Variants in RASEF observed in about 807,000 individuals in gnomAD.
RASEF encodes RAS and EF-hand domain containing, also known as ras and EF-hand domain-containing protein.
A neutral mutation model predicts 90.1 loss-of-function variants in RASEF; 68 were observed. The observed-to-expected ratio is 0.75, with a 90% confidence interval of 0.62 to 0.92. RASEF has a LOEUF of 0.92. Among genes scored for constraint, RASEF ranks in the 40% least tolerant of loss-of-function variants. The pLI, the probability that RASEF is intolerant of heterozygous loss-of-function variation, is 0.00. For missense variants in RASEF, 949 were observed against 937.2 expected (o/e 1.01, Z -0.16); for synonymous variants, 331 against 345.2 (o/e 0.96, Z 0.46).
the RASEF span, among the ~76,000 whole-genome samples, chr9:83,144,129 C>A: frequency 2.0e-5 from 3 of 151,288 alleles, no homozygotes; most frequent in East Asian, 5.9e-4. Context: ...AACATGGCAA[C>A]AATAGACACT....
the RASEF span, among the ~76,000 whole-genome samples, chr9:83,080,268 C>G: frequency 6.6e-6 from 1 of 152,260 alleles, no homozygotes; most frequent in African/African-American, 2.4e-5. Flanking sequence ...AAACATATTT[C>G]CACTTCCCAG....
chr9:83,017,842 ACATCATAACTAAT>A (rs529539258), intron 3 of RASEF, among the ~76,000 whole-genome samples: 4 of 152,248 alleles, frequency 2.6e-5, no homozygotes, highest in Non-Finnish European at 4.4e-5. Context: ...AAAGGATAAT[ACATCATAACTAAT>A]TAGGGCCTAG....
chr9:83,058,481 C>G (rs937541704), intron 1 of RASEF, among the ~76,000 whole-genome samples: 1 of 147,934 alleles, frequency 6.8e-6, no homozygotes, highest in African/African-American at 2.7e-5. Flanking sequence ...CGCGCCCGGC[C>G]GTATTTATGT....
the RASEF span, among the ~76,000 whole-genome samples, chr9:83,211,685 T>A: frequency 2.0e-5 from 3 of 152,200 alleles, no homozygotes; most frequent in Admixed American, 6.5e-5. Context: ...CTAACCTTAT[T>A]TTTTATCATG....
the RASEF span, among the ~76,000 whole-genome samples, chr9:83,093,500 G>A: frequency 1.3e-5 from 2 of 152,212 alleles, no homozygotes; most frequent in Admixed American, 1.3e-4. Context: ...GGCTGGCACT[G>A]CTGGGGGACC....
chr9:83,196,742 G>A, the RASEF span, among the ~76,000 whole-genome samples: 2 of 152,180 alleles, frequency 1.3e-5, no homozygotes, highest in African/African-American at 4.8e-5. Context: ...AACTGGGGAG[G>A]GAAGAGGATG....
At chr9:82,988,873 A>G (rs1036490066) in intron 16 of RASEF, among the ~76,000 whole-genome samples, 4 of 152,216 alleles carry the variant, frequency 2.6e-5, no homozygotes, top group African/African-American at 9.6e-5. Flanking sequence ...GATGCACAAA[A>G]CAGCCTAATG....
chr9:83,114,853 CGGTCCTGT>C, the RASEF span, among the ~76,000 whole-genome samples: 1 of 152,196 alleles, frequency 6.6e-6, no homozygotes, highest in African/African-American at 2.4e-5. Context: ...AATTTCACCA[CGGTCCTGT>C]GGTCCTGTGA....
At chr9:83,186,723 A>C in the RASEF span, among the ~76,000 whole-genome samples, 1 of 152,212 alleles carries the variant, frequency 6.6e-6, no homozygotes, top group Non-Finnish European at 1.5e-5. Context: ...TGGGATATAG[A>C]AAGTCATTGG....
the RASEF span, among the ~76,000 whole-genome samples, chr9:83,156,916 T>C: frequency 1.3e-5 from 2 of 152,240 alleles, no homozygotes; most frequent in Non-Finnish European, 2.9e-5. Context: ...CTGTAACACA[T>C]GGATACATTT....
At chr9:83,145,666 T>G in the RASEF span, among the ~76,000 whole-genome samples, 2 of 151,666 alleles carry the variant, frequency 1.3e-5, no homozygotes, top group Non-Finnish European at 2.9e-5. Context: ...CATATAACTT[T>G]AAAATACCTA....
chr9:83,167,346 C>T, the RASEF span, among the ~76,000 whole-genome samples: 9 of 141,690 alleles, frequency 6.4e-5, no homozygotes. Flanking sequence ...TTGAGTAAAT[C>T]ACCTGAAGTC....
the RASEF span, among the ~76,000 whole-genome samples, chr9:83,116,767 T>C: frequency 6.6e-6 from 1 of 152,244 alleles, no homozygotes; most frequent in African/African-American, 2.4e-5. Flanking sequence ...TTTCTGTAAC[T>C]CAAACATGGC....
At chr9:83,005,121 A>G (rs540469609) in intron 8 of RASEF, among the ~76,000 whole-genome samples, 2 of 152,304 alleles carry the variant, frequency 1.3e-5, no homozygotes, top group East Asian at 3.9e-4. Context: ...GGCATAAAGA[A>G]TACTCACAAG....
chr9:83,101,895 G>A, the RASEF span, among the ~76,000 whole-genome samples: 8 of 151,968 alleles, frequency 5.3e-5, no homozygotes, highest in South Asian at 2.1e-4. Context: ...CATGGCCAAC[G>A]GCACTATAGC....
chr9:83,093,074 G>C, the RASEF span, among the ~76,000 whole-genome samples: 8 of 143,876 alleles, frequency 5.6e-5, no homozygotes, highest in Middle Eastern at 4.0e-3. Flanking sequence ...ACAGAGTGTC[G>C]ATTGGTGCGC....
chr9:83,002,783 A>G (rs1211037316), intron 9 of RASEF, among the ~76,000 whole-genome samples: 1 of 152,154 alleles, frequency 6.6e-6, no homozygotes. Context: ...CACCTGAATA[A>G]ACATCTAGAC....
chr9:82,998,809 G>A (rs754977960), intron 12 of RASEF, among the ~76,000 whole-genome samples: 6 of 152,078 alleles, frequency 3.9e-5, no homozygotes, highest in East Asian at 3.9e-4. Flanking sequence ...AGGTGTATAC[G>A]TGTGTGTATG....
At chr9:83,151,767 C>A in the RASEF span, among the ~76,000 whole-genome samples, 1 of 152,166 alleles carries the variant, frequency 6.6e-6, no homozygotes, top group Admixed American at 6.6e-5. Flanking sequence ...AACACAAAGG[C>A]TTATGGCTCT....
Sources: gnomAD v4.1 joint callset for allele counts (sites outside exome capture counted in the v4.1 genomes callset) on GRCh38, gnomAD v4.1.1 for gene constraint, MANE v1.5 for transcripts, NCBI Gene and HGNC (gene_info 2026-07-23, HGNC 2026-07-21) for gene names.